Variants in ABCB6 observed in about 807,000 individuals in gnomAD.
The protein encoded by ABCB6 is ATP-binding cassette sub-family B member 6.
Under a neutral mutation model 99.4 loss-of-function variants are expected in ABCB6, and 87 were observed. The ratio of observed to expected loss-of-function variants is 0.88; its 90% CI spans 0.74 to 1.05. The LOEUF (loss-of-function observed/expected upper bound fraction) is 1.05. Ranked by LOEUF, ABCB6 falls within the 50% of genes least tolerant of loss-of-function variation. ABCB6 has a pLI of 0.00. For missense variants in ABCB6, 1,050 were observed against 1,097.9 expected (o/e 0.96, Z 0.62); for synonymous variants, 482 against 447.5 (o/e 1.08, Z -0.97).
rs1037524916 is a variant in ABCB6 at position 219,218,683 on chromosome 2, T to G, written c.-10A>C. Reference sequence around the variant, plus strand: ...TGCCCACAGTCACCATGGCAATGCGTGGACGCCGGCCGAGGCTGCGGGCAC... The same window carrying G: ...TGCCCACAGTCACCATGGCAATGCGGGGACGCCGGCCGAGGCTGCGGGCAC... On this transcript the variant is annotated 5_prime_UTR_variant, in exon 1 of 19. Coordinates refer to ENST00000265316, the MANE Select transcript of ABCB6 (RefSeq NM_005689.4). 12 of 1,534,890 alleles carry G rather than the reference T, an allele frequency of 7.8e-6. No individual in the cohort carries two copies. In the African/African-American group the frequency reaches 1.7e-4, roughly 21 times the overall value.
rs567053482 is a variant in ABCB6 at position 219,213,445 on chromosome 2, C to T, written c.1713G>A (p.Glu571=). Residue 571 remains glutamate (E), a synonymous_variant, in exon 11 of 19, where the codon GAG becomes GAA. Coordinates refer to ENST00000265316, the MANE Select transcript of ABCB6 (RefSeq NM_005689.4). ...MENMFDLLKE[E]TEVKDLPGAG... ...CTCCTCTCCCTTCGCTCACTTCTGT[C>T]TCCTCTTTCAGCAAGTCAAACATGT... 1 of 1,614,236 alleles carries T rather than the reference C, an allele frequency of 6.2e-7. No homozygotes were observed. Among genetic ancestry groups the T allele is most frequent in the African/African-American group, 1.3e-5 (1 of 75,062 alleles).
chr2:219,213,341 C>A lies in ABCB6; in HGVS notation c.1720-15G>T, dbSNP rs9288542. 4 of 1,614,038 alleles carry A rather than the reference C, an allele frequency of 2.5e-6. No individual in the cohort carries two copies. The South Asian group carries it at 4.4e-5, about 18-fold the overall frequency. On this transcript the variant is annotated splice_polypyrimidine_tract_variant and intron_variant, in intron 11 of 18. Transcript: ENST00000265316. The stretch of plus-strand genomic sequence containing the variant: ...AGGTCCTTCACCTGGAAGGGCACCA[C>A]CCATGTGTGCTGAGGTTCTCAGCTT...
rs1026355294 is a variant in ABCB6 at position 219,213,262 on chromosome 2, A to G, written c.1784T>C (p.Val595Ala). Reference sequence around the variant, plus strand: ...TCACCCATCGGCATAGCTGAAGTGCACGTTCTCAAACTCAATACGGCCCTT... The same window carrying G: ...TCACCCATCGGCATAGCTGAAGTGCGCGTTCTCAAACTCAATACGGCCCTT... ...FQKGRIEFEN[V>A]HFSYADGRET... Residue 595 changes from valine (V) to alanine (A), a missense_variant, in exon 12 of 19, where the codon GTG becomes GCG. Coordinates refer to ENST00000265316, the MANE Select transcript of ABCB6 (RefSeq NM_005689.4). 80 of 1,614,102 alleles carry G rather than the reference A, an allele frequency of 5.0e-5. No individual in the cohort carries two copies. Among genetic ancestry groups the G allele is most frequent in the Non-Finnish European group, 6.7e-5 (79 of 1,180,054 alleles).
Position 219,218,546 on chromosome 2 carries a change from G to T in ABCB6, c.128C>A (p.Ala43Asp), listed in dbSNP as rs1358386848. Residue 43 changes from alanine to aspartate, a missense_variant, in exon 1 of 19, where the codon GCC becomes GAC. Transcript: ENST00000265316. ...PSTRMALGTLALVLALPCRRR... is the reference protein window; with the variant it reads ...PSTRMALGTLDLVLALPCRRR... The stretch of plus-strand genomic sequence containing the variant: ...TCTGCAGGGAAGAGCCAGCACCAAG[G>T]CCAGAGTCCCCAGAGCCATCCGCGT... 3 of 1,611,840 alleles carry T rather than the reference G, an allele frequency of 1.9e-6. No individual in the cohort carries two copies. The highest frequency in any genetic ancestry group is 2.5e-6 in the Non-Finnish European group (3 of 1,179,526).
chr2:219,210,285 C>T lies in ABCB6; in HGVS notation c.2365G>A (p.Val789Ile). The T allele has an allele frequency of 6.2e-7, 1 of 1,614,234 alleles. No homozygotes were observed. The highest frequency in any genetic ancestry group is 8.5e-7 in the Non-Finnish European group (1 of 1,180,048). Residue 789 changes from valine to isoleucine, a missense_variant, in exon 18 of 19, where the codon GTC becomes ATC. Coordinates refer to ENST00000265316, the MANE Select transcript of ABCB6 (RefSeq NM_005689.4). Reference protein sequence around the residue: ...IVVAHRLSTVVNADQILVIKD... With the variant: ...IVVAHRLSTVINADQILVIKD... ...ATGACGAGGATCTGGTCAGCATTGA[C>T]CACAGTTGAGAGCCTGAGAAGTCAA...
chr2:219,217,233 C>T (rs1307184243), intron 2 of ABCB6, among the ~76,000 whole-genome samples: 3 of 152,188 alleles, frequency 2.0e-5, no homozygotes, highest in Admixed American at 2.0e-4. Context: ...CACCTGTAAT[C>T]CCAGCTACTT....
Position 219,218,955 on chromosome 2 carries a change from G to C in ABCB6, c.-282C>G. ...CCTCCTGCCAACTGCAGGCCCACGGGAATGCTCGGTGTTGGACTCGCACCG... is the reference window on the plus strand; with the variant it reads ...CCTCCTGCCAACTGCAGGCCCACGGCAATGCTCGGTGTTGGACTCGCACCG... On this transcript the variant is annotated 5_prime_UTR_variant, in exon 1 of 19. Coordinates refer to ENST00000265316, the MANE Select transcript of ABCB6 (RefSeq NM_005689.4). 1 of 405,502 alleles carries C rather than the reference G, an allele frequency of 2.5e-6. No homozygotes were observed. The highest frequency in any genetic ancestry group is 4.4e-6 in the Non-Finnish European group (1 of 226,290). 25.1% of individuals were successfully genotyped at this position (405,502 alleles called of 1,614,324 possible).
chr2:219,213,058 T>C lies in ABCB6; in HGVS notation c.1813A>G (p.Thr605Ala), dbSNP rs753330867. ...ACAGTGAAAGACACGTCCTGCAGAG[T>C]CTCCCGCCTGCAAGGAAAGGTGGGG... ...VHFSYADGRE[T>A]LQDVSFTVMP... The change falls in exon 13 of 19, where the codon ACT becomes GCT. Residue 605 changes from threonine to alanine, a missense_variant. Thr to Ala is a moderately conservative substitution (Grantham distance 58). Coordinates refer to ENST00000265316, the MANE Select transcript of ABCB6 (RefSeq NM_005689.4). 4 of 1,613,474 alleles carry C rather than the reference T, an allele frequency of 2.5e-6. No homozygotes were observed. In the African/African-American group the frequency reaches 5.3e-5, roughly 22 times the overall value.
Position 219,210,692 on chromosome 2 carries a change from G to T in ABCB6, c.2256+19C>A. 1 of 1,613,342 alleles carries T rather than the reference G, an allele frequency of 6.2e-7. No homozygotes were observed. ...AGCATACACAAGGCAGGAAGGAGGG[G>T]AGGAGACCCAGGGCGCACCTCATCC... is the stretch of plus-strand genomic sequence containing the variant. On this transcript the variant is annotated intron_variant, in intron 16 of 18. Transcript: ENST00000265316.
Position 219,209,843 on chromosome 2 carries a change from CATACCCCAAGACCAGGATG to C in ABCB6, c.*76_*94del. The C allele has an allele frequency of 1.0e-6, 1 of 981,190 alleles. No individual in the cohort carries two copies. The highest frequency in any genetic ancestry group is 1.6e-6 in the Non-Finnish European group (1 of 610,518). The allele number at this position is 981,190 out of a possible 1,614,324, so 60.8% of individuals were successfully genotyped here. ...CCCTTTCCCTTACCATAGCTAGCAC[CATACCCCAAGACCAGGATG>C]AAATAAGCCAGGGAAAGGAGACACA... On this transcript the variant is annotated 3_prime_UTR_variant, in exon 19 of 19. Coordinates refer to ENST00000265316, the MANE Select transcript of ABCB6 (RefSeq NM_005689.4).
chr2:219,214,829 G>GAGCA, intron 6 of ABCB6, 132 bp downstream of exon 6: 1 of 1,036,452 alleles, frequency 9.6e-7, no homozygotes, highest in Non-Finnish European at 1.4e-6. Flanking sequence ...ATCACATGAC[G>GAGCA]AGCACTAGGA....
intron 16 of ABCB6, 25 bp downstream of exon 16, chr2:219,210,686 G>A (rs1412278297): frequency 1.9e-6 from 3 of 1,613,018 alleles, no homozygotes; most frequent in Non-Finnish European, 2.5e-6. Context: ...AAGGCAGGAA[G>A]GAGGGGAGGA....
Position 219,218,689 on chromosome 2 carries a change from C to T in ABCB6, c.-16G>A. The T allele has an allele frequency of 6.5e-7, 1 of 1,529,262 alleles. No homozygotes were observed. Among genetic ancestry groups the T allele is most frequent in the Non-Finnish European group, 8.8e-7 (1 of 1,136,854 alleles). The allele number at this position is 1,529,262 out of a possible 1,614,324, so 94.7% of individuals were successfully genotyped here. On this transcript the variant is annotated 5_prime_UTR_variant, in exon 1 of 19. Coordinates refer to ENST00000265316, the MANE Select transcript of ABCB6 (RefSeq NM_005689.4). ...CAGTCACCATGGCAATGCGTGGACG[C>T]CGGCCGAGGCTGCGGGCACTGCGGG...
chr2:219,210,963 A>T lies in ABCB6; in HGVS notation c.2114T>A (p.Ile705Asn). The change falls in exon 15 of 19, where the codon ATC becomes AAC. Residue 705 changes from isoleucine to asparagine, a missense_variant. Physicochemically the swap from Ile to Asn is moderately radical, Grantham distance 149 (BLOSUM62 -3). Transcript: ENST00000265316. Reference sequence around the variant, plus strand: ...AGGGAAAGCCATAATGGCATCATGGATGCCTGCAGCCTGAGCAGCAGCCTC... The same window carrying T: ...AGGGAAAGCCATAATGGCATCATGGTTGCCTGCAGCCTGAGCAGCAGCCTC... The part of the protein sequence containing the change: ...EVEAAAQAAG[I>N]HDAIMAFPEG... 6.2e-7 allele frequency: 1 copy of T among 1,614,200 alleles called. No homozygotes were observed. Among genetic ancestry groups the T allele is most frequent in the Non-Finnish European group, 8.5e-7 (1 of 1,180,022 alleles).
intron 13 of ABCB6, 62 bp downstream of exon 13, chr2:219,212,946 C>A: frequency 6.4e-7 from 1 of 1,569,666 alleles, no homozygotes; most frequent in Non-Finnish European, 8.7e-7. Context: ...TCACAAGCTA[C>A]CATGGGCACT....
rs1228861296 is a variant in ABCB6, at chr2:219,214,124, A to G, written c.1449T>C (p.Tyr483=). The G allele has an allele frequency of 6.2e-6, 10 of 1,614,082 alleles. No homozygotes were observed. The highest frequency in any genetic ancestry group is 1.1e-5 in the South Asian group (1 of 91,076). The change falls in exon 8 of 19, where the codon TAT becomes TAC. Residue 483 remains tyrosine (Y), a synonymous_variant. Coordinates refer to ENST00000265316, the MANE Select transcript of ABCB6 (RefSeq NM_005689.4). ...GGCCTCAAACTAGCATCCTCACCTG[A>G]TATTTGATGATGGCCTCTCGATAGC... ...VERYREAIIK[Y]QGLEWKSSAS...
chr2:219,217,578 A>T, intron 2 of ABCB6, 92 bp downstream of exon 2: 1 of 1,051,830 alleles, frequency 9.5e-7, no homozygotes, highest in Non-Finnish European at 1.4e-6. Context: ...CGGGAGGTGG[A>T]GGTTGCAGTG....
chr2:219,218,716 C>A lies in ABCB6; in HGVS notation c.-43G>T, dbSNP rs767489801. On this transcript the variant is annotated 5_prime_UTR_variant, in exon 1 of 19. Coordinates refer to ENST00000265316, the MANE Select transcript of ABCB6 (RefSeq NM_005689.4). The stretch of plus-strand genomic sequence containing the variant: ...GGCCGAGGCTGCGGGCACTGCGGGA[C>A]CGGAGGCCGGGACTGGTCACTCGGA... The A allele has an allele frequency of 3.3e-6, 5 of 1,504,842 alleles. No homozygotes were observed. The highest frequency in any genetic ancestry group is 2.8e-5 in the African/African-American group (2 of 71,728). 93.2% of individuals were successfully genotyped at this position (1,504,842 alleles called of 1,614,324 possible). A position where few individuals can be genotyped will look rare whatever the true frequency, so the allele number is the denominator to read the frequency against.
Position 219,216,166 on chromosome 2 carries a change from G to A in ABCB6, c.985C>T (p.Leu329=), listed in dbSNP as rs546763283. ...GTGSTGFVSN[L]RTFLWIRVQQ... is the part of the protein sequence containing the mutation. ...ACCCGGATCCACAGGAAGGTGCGCA[G>A]GTTGCTCACGAAGCCTGCAGGGAGC... Residue 329 remains leucine, a synonymous_variant, in exon 5 of 19, where the codon CTG becomes TTG. Coordinates refer to ENST00000265316, the MANE Select transcript of ABCB6 (RefSeq NM_005689.4). This position sits in a 1 kb window ranked among gnomAD's most constrained non-coding sequence, Gnocchi z 4.2. The A allele has an allele frequency of 6.9e-6, 11 of 1,594,514 alleles. No homozygotes were observed. Among genetic ancestry groups the A allele is most frequent in the Admixed American group, 5.2e-5 (3 of 58,228 alleles).
Sources: allele counts gnomAD v4.1 joint callset (sites outside exome capture counted in the v4.1 genomes callset), GRCh38; gene constraint gnomAD v4.1.1; non-coding constraint Gnocchi (gnomAD v3.1); transcripts MANE v1.5; gene names NCBI Gene and HGNC (gene_info 2026-07-23, HGNC 2026-07-21).